Variants in RBM33 observed in about 807,000 individuals in gnomAD.
RBM33 encodes the protein RNA binding motif protein 33.
Under a neutral mutation model 132.6 loss-of-function variants are expected in RBM33, and 28 were observed. That is an observed-to-expected ratio of 0.21 (90% confidence interval 0.16 to 0.29). RBM33 has a LOEUF of 0.29. Among genes scored for constraint, RBM33 ranks in the 10% least tolerant of loss-of-function variants. The pLI is 1.00. For synonymous variants in RBM33, 634 were observed against 593.0 expected, an observed-to-expected ratio of 1.07 and a Z score of -1.01; for missense variants, 1,291 against 1,518.5, an observed-to-expected ratio of 0.85 and a Z score of 2.49.
At chr7:155,695,978 G>A (rs1412076076) in intron 5 of RBM33, among the ~76,000 whole-genome samples, 2 of 152,054 alleles carry the variant, frequency 1.3e-5, no homozygotes, top group African/African-American at 2.4e-5. Flanking sequence ...TTTTCCATAC[G>A]TTTTTCTAAT....
At chr7:155,749,106 G>A (rs903806444) in intron 14 of RBM33, among the ~76,000 whole-genome samples, 9 of 152,056 alleles carry the variant, frequency 5.9e-5, no homozygotes, top group Non-Finnish European at 4.4e-5. Context: ...TTGGGACCCC[G>A]AACAATCATT....
chr7:155,729,681 G>A (rs1453759921), intron 9 of RBM33, among the ~76,000 whole-genome samples: 2 of 150,562 alleles, frequency 1.3e-5, no homozygotes, highest in Non-Finnish European at 2.9e-5. Flanking sequence ...AGGATGCAGT[G>A]AGCTGTGATC....
At chr7:155,730,052 C>T (rs1380773953) in intron 9 of RBM33, among the ~76,000 whole-genome samples, 2 of 152,190 alleles carry the variant, frequency 1.3e-5, no homozygotes, top group Non-Finnish European at 2.9e-5. Flanking sequence ...CGGGGAATAC[C>T]TTGCTATTAC....
At position 155,738,295 on chromosome 7, in the gene RBM33, T is replaced by C. The variant is rs1801196829; in HGVS notation, c.1629T>C (p.Phe543=). The C allele has an allele frequency of 1.9e-6, 3 of 1,613,946 alleles. No individual in the cohort carries two copies. Among genetic ancestry groups the C allele is most frequent in the Middle Eastern group, 1.6e-4 (1 of 6,062 alleles). The change falls in exon 11 of 18, where the codon TTT becomes TTC. Residue 543 remains phenylalanine, a synonymous_variant. Transcript: ENST00000401878. Reference sequence around the variant, plus strand: ...CAGGTCCGGTGGGGATTCTGCACTTTAGCCAGCCTGGGTCGGCAACCACAC... The same window carrying C: ...CAGGTCCGGTGGGGATTCTGCACTTCAGCCAGCCTGGGTCGGCAACCACAC... ...QPPGPVGILH[F]SQPGSATTRP...
intron 2 of RBM33, among the ~76,000 whole-genome samples, chr7:155,668,908 A>C (rs55882037): frequency 0.6 from 91,205 of 152,020 alleles, 29,530 homozygotes; most frequent in South Asian, 0.77. Context: ...ATTTGACATG[A>C]CTTTAGATGT....
Position 155,766,800 on chromosome 7 carries a change from A to G in RBM33, c.3375+145A>G, listed in dbSNP as rs548294170. On this transcript the variant is annotated intron_variant, in intron 16 of 17. Transcript: ENST00000401878. The stretch of plus-strand genomic sequence containing the variant: ...AAGTAAGACAAATAACCTGTTGTGC[A>G]TACTTAGTATCAGAACATTTGCCTC... 7.9e-6 allele frequency: 6 copies of G among 757,712 alleles called. No individual in the cohort carries two copies. In the African/African-American group the frequency reaches 8.9e-5, roughly 11 times the overall value. 46.9% of individuals were successfully genotyped at this position (757,712 alleles called of 1,614,324 possible).
intron 14 of RBM33, among the ~76,000 whole-genome samples, chr7:155,749,750 G>C (rs1004407364): frequency 4.6e-5 from 7 of 152,206 alleles, no homozygotes; most frequent in African/African-American, 1.7e-4. Context: ...TAGGCCTGGC[G>C]AGTGGCTGGG....
chr7:155,774,942 T>A lies in RBM33; in HGVS notation c.3465-51T>A. The A allele has an allele frequency of 6.4e-7, 1 of 1,566,572 alleles. No homozygotes were observed. Among genetic ancestry groups the A allele is most frequent in the Non-Finnish European group, 8.8e-7 (1 of 1,136,994 alleles). On this transcript the variant is annotated intron_variant, in intron 17 of 17. Coordinates refer to ENST00000401878, the MANE Select transcript of RBM33 (RefSeq NM_053043.3). The surrounding 1 kb of genome is among the most constrained non-coding windows in gnomAD (Gnocchi z 4.2). ...TTAGTTTCCTCCCACCTTGGTAGGTTGATTGCCGATGTGCAGGGTTAGTGT... is the reference window on the plus strand; with the variant it reads ...TTAGTTTCCTCCCACCTTGGTAGGTAGATTGCCGATGTGCAGGGTTAGTGT...
chr7:155,711,810 C>A (rs1265168454), intron 8 of RBM33, among the ~76,000 whole-genome samples: 1 of 152,162 alleles, frequency 6.6e-6, no homozygotes, highest in African/African-American at 2.4e-5. Flanking sequence ...CTAACGATAG[C>A]CTTATTGGGA....
chr7:155,721,513 A>T (rs556440032), intron 9 of RBM33, among the ~76,000 whole-genome samples: 4 of 152,126 alleles, frequency 2.6e-5, no homozygotes, highest in South Asian at 4.2e-4. Flanking sequence ...GCAGCTTCAT[A>T]CCCAATTGAC....
chr7:155,714,782 G>C (rs577006537), intron 8 of RBM33, among the ~76,000 whole-genome samples: 1 of 152,274 alleles, frequency 6.6e-6, no homozygotes, highest in South Asian at 2.1e-4. Flanking sequence ...GTGGAGAGTA[G>C]CCTAAGGTAG....
In RBM33 at chr7:155,680,699, C is replaced by G; in HGVS notation, c.358C>G (p.Gln120Glu). 1 of 1,612,700 alleles carries G rather than the reference C, an allele frequency of 6.2e-7. No homozygotes were observed. Among genetic ancestry groups the G allele is most frequent in the Non-Finnish European group, 8.5e-7 (1 of 1,179,390 alleles). ...QSGEQESEYE[Q>E]EQGEDELVYH... The stretch of plus-strand genomic sequence containing the variant: ...TGGAGAACAGGAATCTGAGTATGAA[C>G]AAGAACAAGGAGAGGATGAACTGGT... Residue 120 changes from glutamine (Q) to glutamate (E), a missense_variant, in exon 5 of 18, where the codon CAA becomes GAA. By Grantham distance (29) the Gln-to-Glu change is conservative. Around this residue, in one of 7 missense-constraint regions of RBM33, gnomAD observed 194 missense variants for 249.8 expected, o/e 0.78. Transcript: ENST00000401878.
At chr7:155,647,856 A>G (rs1048194671) in intron 1 of RBM33, among the ~76,000 whole-genome samples, 2 of 152,250 alleles carry the variant, frequency 1.3e-5, no homozygotes, top group East Asian at 1.9e-4. Flanking sequence ...CATAAAGGCA[A>G]AAACATGGCA....
intron 12 of RBM33, among the ~76,000 whole-genome samples, chr7:155,740,842 G>A (rs892817502): frequency 6.6e-6 from 1 of 152,156 alleles, no homozygotes; most frequent in Non-Finnish European, 1.5e-5. Context: ...GTGGCTAGTG[G>A]TCAGTGGTCA....
chr7:155,721,555 C>T (rs1800626884), intron 9 of RBM33, among the ~76,000 whole-genome samples: 1 of 151,942 alleles, frequency 6.6e-6, no homozygotes, highest in East Asian at 1.9e-4. Context: ...AGACAATACG[C>T]AAAAGTACCA....
intron 5 of RBM33, 103 bp from the exon 6 acceptor site, chr7:155,700,670 C>A: frequency 4.2e-6 from 3 of 717,934 alleles, no homozygotes; most frequent in Admixed American, 3.7e-5. Context: ...GTATTTTTTA[C>A]ATCTGAAATA....
At chr7:155,653,752 A>T (rs544407268) in intron 1 of RBM33, among the ~76,000 whole-genome samples, 1 of 152,318 alleles carries the variant, frequency 6.6e-6, no homozygotes, top group East Asian at 1.9e-4. Context: ...ATCCTTTATA[A>T]TAAACTGTAA....
At chr7:155,751,953 T>C (rs1272018645) in intron 14 of RBM33, among the ~76,000 whole-genome samples, 1 of 152,234 alleles carries the variant, frequency 6.6e-6, no homozygotes, top group African/African-American at 2.4e-5. Context: ...TTTACACTTC[T>C]CCTTCATCTA....
At chr7:155,771,131 G>A in intron 16 of RBM33, among the ~76,000 whole-genome samples, 1 of 152,222 alleles carries the variant, frequency 6.6e-6, no homozygotes, top group Non-Finnish European at 1.5e-5. Context: ...AGGTCAGTAT[G>A]TAGACTTGAG....
Sources: gnomAD v4.1 joint callset for allele counts (sites outside exome capture counted in the v4.1 genomes callset) on GRCh38, gnomAD v4.1.1 for gene constraint, gnomAD v4.1.1 regional missense constraint, Gnocchi (gnomAD v3.1) non-coding constraint, MANE v1.5 for transcripts, NCBI Gene and HGNC (gene_info 2026-07-23, HGNC 2026-07-21) for gene names.